CDH13: variants seen among roughly 807,000 people sequenced by gnomAD.
CDH13 encodes the protein cadherin 13.
A neutral mutation model predicts 63.8 loss-of-function variants in CDH13; 24 were observed. The ratio of observed to expected loss-of-function variants is 0.38; its 90% CI spans 0.27 to 0.53. The LOEUF is 0.53. CDH13 is among the 20% of genes least tolerant of loss of function. The pLI is 0.85. For synonymous variants in CDH13, 503 were observed against 355.3 expected, an observed-to-expected ratio of 1.42 and a Z score of -4.67; for missense variants, 1,049 against 903.1, an observed-to-expected ratio of 1.16 and a Z score of -2.07.
chr16:83,379,938 T>TAGAGAGAGAGAG lies in CDH13; in HGVS notation c.781+34950_781+34961dup, dbSNP rs71148831. Reference sequence around the variant, plus strand: ...GTGTGTGTATATATATATATATATATAGAGAGAGAGAGAGAGAGAGAGAGA... The same window carrying TAGAGAGAGAGAG: ...GTGTGTGTATATATATATATATATATAGAGAGAGAGAGAGAGAGAGAGAGAGAGAGAGAGAGA... On this transcript the variant is annotated intron_variant, in intron 6 of 13. Transcript: ENST00000567109. 5.1e-3 allele frequency among the ~76,000 whole-genome samples: 625 copies of TAGAGAGAGAGAG among 123,414 alleles called. 5 individuals are homozygous for TAGAGAGAGAGAG. The highest frequency in any genetic ancestry group is 0.017 in the Middle Eastern group (4 of 240). The allele number at this position is 123,414 out of a possible 152,430, so 81.0% of individuals were successfully genotyped here.
intron 7 of CDH13, among the ~76,000 whole-genome samples, chr16:83,495,761 C>A (rs886181235): frequency 6.6e-6 from 1 of 152,042 alleles, no homozygotes; most frequent in Non-Finnish European, 1.5e-5. Context: ...GACTTTTTGG[C>A]TTGTAGAGCA....
chr16:82,766,907 C>T (rs2035076479), intron 1 of CDH13, among the ~76,000 whole-genome samples: 1 of 152,070 alleles, frequency 6.6e-6, no homozygotes, highest in African/African-American at 2.4e-5. Flanking sequence ...TTTACACGTA[C>T]AGAAAAGTTT....
chr16:83,088,049 C>T lies in CDH13; in HGVS notation c.367-37336C>T, dbSNP rs147166116. ...ATTAGGTTGGCGCAAAAAGTAGTTGCGGTTTTGCCACTGAAAGTAATGGCA... is the reference window on the plus strand; with the variant it reads ...ATTAGGTTGGCGCAAAAAGTAGTTGTGGTTTTGCCACTGAAAGTAATGGCA... On this transcript the variant is annotated intron_variant, in intron 3 of 13. Coordinates refer to ENST00000567109, the MANE Select transcript of CDH13 (RefSeq NM_001257.5). Among the ~76,000 whole-genome samples, 281 of 152,230 alleles carry T rather than the reference C, an allele frequency of 1.8e-3. 1 individual carries two copies. Among genetic ancestry groups the T allele is most frequent in the African/African-American group, 5.2e-3 (218 of 41,536 alleles).
chr16:82,787,401 T>G (rs2036071042), intron 1 of CDH13, among the ~76,000 whole-genome samples: 1 of 152,202 alleles, frequency 6.6e-6, no homozygotes, highest in African/African-American at 2.4e-5. Context: ...TTGACTCATT[T>G]CATTATTTGG....
rs368089344 is a variant in CDH13, at chr16:83,748,189, C to T, written c.1620C>T (p.Asp540=). The change falls in exon 11 of 14, where the codon GAC becomes GAT. Residue 540 remains aspartate (D), a synonymous_variant. Transcript: ENST00000567109. ...NGTVDTTAVL[D]RESPFVDNSV... ...CTGTTGACACCACAGCTGTGCTGGACCGTGAGTCCCCATTTGTCGACAACA... is the reference window on the plus strand; with the variant it reads ...CTGTTGACACCACAGCTGTGCTGGATCGTGAGTCCCCATTTGTCGACAACA... The T allele has an allele frequency of 8.7e-6, 14 of 1,613,700 alleles. No individual in the cohort carries two copies. The African/African-American group carries it at 1.2e-4, about 14-fold the overall frequency.
intron 2 of CDH13, among the ~76,000 whole-genome samples, chr16:82,989,798 T>A (rs561134361): frequency 6.6e-6 from 1 of 152,318 alleles, no homozygotes; most frequent in Admixed American, 6.5e-5. Context: ...AACCAGGCAA[T>A]GTGATTTACG....
intron 6 of CDH13, among the ~76,000 whole-genome samples, chr16:83,428,945 G>C (rs4782790): frequency 0.2 from 30,691 of 152,100 alleles, 3,600 homozygotes; most frequent in East Asian, 0.49. Context: ...CAACTCTAGG[G>C]GTTTGTTCGG....
rs530058171 is a variant in CDH13, at chr16:83,708,788, G to A, written c.1538+30327G>A. Among the ~76,000 whole-genome samples the A allele has an allele frequency of 2.0e-5, 3 of 152,204 alleles. No homozygotes were observed. The East Asian group carries it at 5.8e-4, about 29-fold the overall frequency. On this transcript the variant is annotated intron_variant, in intron 10 of 13. Coordinates refer to ENST00000567109, the MANE Select transcript of CDH13 (RefSeq NM_001257.5). ...GCCTGTAATTCCAGCACTTTGGGAG[G>A]CTGAGGTTGGTGGATCACTTGAGGC...
At chr16:83,103,709 A>G (rs531477137) in intron 3 of CDH13, among the ~76,000 whole-genome samples, 4 of 152,224 alleles carry the variant, frequency 2.6e-5, no homozygotes, top group African/African-American at 9.6e-5. Flanking sequence ...CCTGTGCCTC[A>G]CTTTCCTCAT....
chr16:83,502,576 TA>T, intron 7 of CDH13, among the ~76,000 whole-genome samples: 1 of 152,290 alleles, frequency 6.6e-6, no homozygotes, highest in Non-Finnish European at 1.5e-5. Context: ...TAACCTTTTT[TA>T]TATGGTTTGT....
At chr16:83,563,967 T>A (rs1325208371) in intron 7 of CDH13, among the ~76,000 whole-genome samples, 2 of 152,170 alleles carry the variant, frequency 1.3e-5, no homozygotes, top group African/African-American at 4.8e-5. Context: ...CTTCACAGCC[T>A]GCCTGTATGA....
At chr16:83,622,253 G>C (rs1296862855) in intron 8 of CDH13, among the ~76,000 whole-genome samples, 2 of 152,094 alleles carry the variant, frequency 1.3e-5, no homozygotes. Flanking sequence ...TGAGACTTCA[G>C]CGTGGTGGGG....
At chr16:82,865,564 G>A (rs940347913) in intron 2 of CDH13, among the ~76,000 whole-genome samples, 7 of 152,162 alleles carry the variant, frequency 4.6e-5, no homozygotes, top group Non-Finnish European at 1.0e-4. Context: ...CAAAATGCAG[G>A]GCTCCAAGTC....
chr16:83,588,362 A>C (rs7200573), intron 7 of CDH13, among the ~76,000 whole-genome samples: 104,940 of 152,158 alleles, frequency 0.69, 36,930 homozygotes, highest in East Asian at 0.87. Context: ...GTGGTGATCA[A>C]CATAACCGTT....
intron 5 of CDH13, among the ~76,000 whole-genome samples, chr16:83,310,644 A>G (rs886229475): frequency 6.6e-6 from 1 of 152,078 alleles, no homozygotes; most frequent in African/African-American, 2.4e-5. Context: ...CTTTTTAGTT[A>G]TGTCTGCCTC....
intron 6 of CDH13, among the ~76,000 whole-genome samples, chr16:83,431,803 T>C (rs950475888): frequency 6.6e-6 from 1 of 152,130 alleles, no homozygotes; most frequent in African/African-American, 2.4e-5. Context: ...ACCCCCATGA[T>C]CTAATCGCCT....
chr16:83,673,135 C>G (rs755945823), intron 9 of CDH13, among the ~76,000 whole-genome samples: 1 of 152,224 alleles, frequency 6.6e-6, no homozygotes, highest in African/African-American at 2.4e-5. Flanking sequence ...TCTACATACA[C>G]ATAAGCACGT....
chr16:83,455,604 G>A (rs759480784), intron 6 of CDH13, among the ~76,000 whole-genome samples: 5 of 152,046 alleles, frequency 3.3e-5, no homozygotes, highest in South Asian at 2.1e-4. Context: ...TTCCAGCTGC[G>A]TTTTCCTCAA....
At chr16:83,721,095 T>A (rs1471424184) in intron 10 of CDH13, 2 of 152,236 alleles carry the variant, frequency 1.3e-5, no homozygotes, top group Non-Finnish European at 2.9e-5. Context: ...AGAAGTGGGT[T>A]CAGTAATGAG....
Sources: allele counts gnomAD v4.1 joint callset (sites outside exome capture counted in the v4.1 genomes callset), GRCh38; gene constraint gnomAD v4.1.1; transcripts MANE v1.5; gene names NCBI Gene and HGNC (gene_info 2026-07-23, HGNC 2026-07-21).